BCL2L12: variants seen among roughly 807,000 people sequenced by gnomAD.
BCL2L12 encodes the protein bcl-2-like protein 12.
In BCL2L12, 27 loss-of-function variants were observed where a neutral mutation model predicts 25.7. The observed-to-expected ratio is 1.05, with a 90% CI of 0.78 to 1.45. The LOEUF (loss-of-function observed/expected upper bound fraction) is 1.45. Among genes scored for constraint, BCL2L12 ranks in the 40% most tolerant of loss-of-function variants. BCL2L12 has a pLI of 0.00. For synonymous variants in BCL2L12, 132 were observed against 145.6 expected (o/e 0.91, Z 0.67); for missense variants, 302 against 329.8 (o/e 0.92, Z 0.65).
In BCL2L12 at chr19:49,669,046, A is replaced by C; in HGVS notation, c.360A>C (p.Thr120=). The C allele has an allele frequency of 6.2e-7, 1 of 1,614,140 alleles. No homozygotes were observed. The highest frequency in any genetic ancestry group is 8.5e-7 in the Non-Finnish European group (1 of 1,180,018). Residue 120 remains threonine, a synonymous_variant, in exon 5 of 7, where the codon ACA becomes ACC. Coordinates refer to ENST00000246784, the MANE Select transcript of BCL2L12 (RefSeq NM_138639.2). ...PSPELQGPPS[T]EKEAILRRLV... ...CAGAATTACAGGGTCCCCCATCGAC[A>C]GAGAAGGAAGCCATACTGCGGAGGC...
chr19:49,673,530 C>G (rs1033520055), intron 6 of BCL2L12, among the ~76,000 whole-genome samples, 168 bp from the exon 7 acceptor site: 1 of 152,268 alleles, frequency 6.6e-6, no homozygotes, highest in East Asian at 1.9e-4. Flanking sequence ...GCCCCCTCAT[C>G]CCTGTGCCCT....
At chr19:49,670,170 C>A (rs757641337) in intron 5 of BCL2L12, 46 bp from the exon 6 acceptor site, 3 of 1,576,462 alleles carry the variant, frequency 1.9e-6, no homozygotes, top group Admixed American at 1.8e-5. Flanking sequence ...TATTGGCTGG[C>A]CCCGGGGGCG....
Position 49,670,374 on chromosome 19 carries a change from G to T in BCL2L12, c.588G>T (p.Leu196=), listed in dbSNP as rs1311179721. 1 of 1,580,278 alleles carries T rather than the reference G, an allele frequency of 6.3e-7. No individual in the cohort carries two copies. Among genetic ancestry groups the T allele is most frequent in the South Asian group, 1.1e-5 (1 of 87,458 alleles). The change falls in exon 6 of 7, where the codon CTG becomes CTT. Residue 196 remains leucine (L), a synonymous_variant. Transcript: ENST00000246784. The stretch of plus-strand genomic sequence containing the variant: ...CTTCCCCGGAGCCCCTGGCCCGCCT[G>T]GCCCTAGCCATGGAGCTGAGCCGGC... ...PPPSPEPLAR[L]ALAMELSRRV...
intron 3 of BCL2L12, 31 bp downstream of exon 3, chr19:49,667,192 C>T (rs776097399): frequency 2.4e-5 from 39 of 1,603,674 alleles, no homozygotes; most frequent in Non-Finnish European, 3.3e-5. Flanking sequence ...TCTATGAAGC[C>T]GGCAGAACAC....
Position 49,665,994 on chromosome 19 carries a change from A to G in BCL2L12, c.-82A>G, listed in dbSNP as rs370560242. The G allele has an allele frequency of 6.9e-6, 11 of 1,605,776 alleles. No homozygotes were observed. Among genetic ancestry groups the G allele is most frequent in the Non-Finnish European group, 9.4e-6 (11 of 1,175,664 alleles). ...TGCGCAGGCGCGGGAAAGTTGAACTAATAAAGTTTGTACGAGTTCAGTGGA... is the reference window on the plus strand; with the variant it reads ...TGCGCAGGCGCGGGAAAGTTGAACTGATAAAGTTTGTACGAGTTCAGTGGA... On this transcript the variant is annotated 5_prime_UTR_variant, in exon 1 of 7. Coordinates refer to ENST00000246784, the MANE Select transcript of BCL2L12 (RefSeq NM_138639.2).
At chr19:49,665,606 G>A (rs1197584796), upstream of BCL2L12, 3 of 572,430 alleles carry the variant, frequency 5.2e-6, no homozygotes, top group Admixed American at 6.2e-5. Context: ...CGCCACCAAC[G>A]CTCTCCCGGG....
intron 6 of BCL2L12, among the ~76,000 whole-genome samples, chr19:49,671,494 G>A (rs974580320): frequency 6.6e-6 from 1 of 151,996 alleles, no homozygotes; most frequent in African/African-American, 2.4e-5. Context: ...AATTAGCAAA[G>A]CATGGTAGCT....
rs1159997392 is a variant in BCL2L12 at position 49,673,839 on chromosome 19, T to TG, written c.*95dup. On this transcript the variant is annotated 3_prime_UTR_variant, in exon 7 of 7. Transcript: ENST00000246784. ...AGTCTTCCTATTCCACTCAGGGCTG[T>TG]GGGGTGGTGGTTGCCCTACCTGTTT... 6.8e-7 allele frequency: 1 copy of TG among 1,472,376 alleles called. No homozygotes were observed. Among genetic ancestry groups the TG allele is most frequent in the Non-Finnish European group, 9.4e-7 (1 of 1,066,288 alleles). The allele number at this position is 1,472,376 out of a possible 1,614,324, so 91.2% of individuals were successfully genotyped here.
chr19:49,673,023 T>C (rs2081992134), intron 6 of BCL2L12, among the ~76,000 whole-genome samples: 1 of 152,162 alleles, frequency 6.6e-6, no homozygotes, highest in African/African-American at 2.4e-5. Flanking sequence ...CACACCACCA[T>C]GTCCGGCTAA....
intron 6 of BCL2L12, among the ~76,000 whole-genome samples, chr19:49,671,326 G>A (rs965004417): frequency 2.0e-5 from 3 of 151,378 alleles, no homozygotes; most frequent in African/African-American, 4.9e-5. Context: ...CGGCATGCCT[G>A]TAATCCCAGC....
In BCL2L12 at chr19:49,666,991, G is replaced by T. The variant is rs748363216; in HGVS notation, c.108-28G>T. On this transcript the variant is annotated intron_variant, in intron 2 of 6. Coordinates refer to ENST00000246784, the MANE Select transcript of BCL2L12 (RefSeq NM_138639.2). Reference sequence around the variant, plus strand: ...ACTGCTTGCAGGGGATCTCTGGTGGGGTCAGTCTCTGAAGTCCTCCTCTCC... The same window carrying T: ...ACTGCTTGCAGGGGATCTCTGGTGGTGTCAGTCTCTGAAGTCCTCCTCTCC... 7 of 1,609,312 alleles carry T rather than the reference G, an allele frequency of 4.3e-6. No individual in the cohort carries two copies. In the East Asian group the frequency reaches 1.6e-4, roughly 36 times the overall value.
At position 49,668,663 on chromosome 19, in the gene BCL2L12, G is replaced by A. The variant is rs573020807; in HGVS notation, c.251-188G>A. Among the ~76,000 whole-genome samples, 9 of 152,222 alleles carry A rather than the reference G, an allele frequency of 5.9e-5. No individual in the cohort carries two copies. In the South Asian group the frequency reaches 1.2e-3, roughly 21 times the overall value. On this transcript the variant is annotated intron_variant, in intron 3 of 6. Coordinates refer to ENST00000246784, the MANE Select transcript of BCL2L12 (RefSeq NM_138639.2). Reference sequence around the variant, plus strand: ...AAATTAGCCAGGTATGGCGGCGTGCGCCTGTAGTCCCAGCTACTCATGAGG... The same window carrying A: ...AAATTAGCCAGGTATGGCGGCGTGCACCTGTAGTCCCAGCTACTCATGAGG...
intron 3 of BCL2L12, among the ~76,000 whole-genome samples, chr19:49,668,262 A>AT (rs1475599347): frequency 4.6e-5 from 7 of 150,806 alleles, no homozygotes; most frequent in Non-Finnish European, 8.9e-5. Context: ...TGCCCGGCTA[A>AT]TTTTTTTTGT....
chr19:49,667,099 C>T lies in BCL2L12; in HGVS notation c.188C>T (p.Ala63Val). The change falls in exon 3 of 7, where the codon GCC becomes GTC. Residue 63 changes from alanine to valine, a missense_variant. By Grantham distance (64) the Ala-to-Val change is moderately conservative (BLOSUM62 0). Transcript: ENST00000246784. ...CCCTGCTCCCTGGGGCGAGGAGCAG[C>T]CCCCTCTGAGTCCCCTCGGCCTTGC... ...CLPCSLGRGA[A>V]PSESPRPCSL... 1 of 1,614,056 alleles carries T rather than the reference C, an allele frequency of 6.2e-7. No homozygotes were observed. The highest frequency in any genetic ancestry group is 2.2e-5 in the East Asian group (1 of 44,882).
rs2081888322 is a variant in BCL2L12, at chr19:49,668,894, G to A, written c.294G>A (p.Leu98=). Residue 98 remains leucine (L), a synonymous_variant, in exon 4 of 7, where the codon CTG becomes CTA. Coordinates refer to ENST00000246784, the MANE Select transcript of BCL2L12 (RefSeq NM_138639.2). ...PDFYALVAQR[L]EQLVQEQLKS... Reference sequence around the variant, plus strand: ...TCTATGCTTTGGTGGCCCAGCGGCTGGAACAGCTGGTCCAAGAGCAGCTGA... The same window carrying A: ...TCTATGCTTTGGTGGCCCAGCGGCTAGAACAGCTGGTCCAAGAGCAGCTGA... The A allele has an allele frequency of 6.2e-7, 1 of 1,613,516 alleles. No individual in the cohort carries two copies. The highest frequency in any genetic ancestry group is 8.5e-7 in the Non-Finnish European group (1 of 1,179,942).
intron 6 of BCL2L12, 35 bp from the exon 7 acceptor site, chr19:49,673,663 C>A (rs757204895): frequency 5.7e-6 from 9 of 1,569,362 alleles, no homozygotes; most frequent in Middle Eastern, 1.7e-4. Flanking sequence ...GAACACCTGC[C>A]CTGCTCACAG....
chr19:49,665,713 C>T (rs565130412), upstream of BCL2L12: 14 of 1,409,022 alleles, frequency 9.9e-6, no homozygotes, highest in African/African-American at 7.2e-5. Context: ...CTCGAGGCTG[C>T]GCACCCCCTT....
At chr19:49,665,241 A>G (rs997698414), upstream of BCL2L12, 18 of 194,130 alleles carry the variant, frequency 9.3e-5, no homozygotes, top group East Asian at 4.2e-4. Flanking sequence ...ACTTACCCCA[A>G]TGTAGACCCC....
At position 49,669,122 on chromosome 19, in the gene BCL2L12, G is replaced by A; in HGVS notation, c.429+7G>A. On this transcript the variant is annotated splice_region_variant and intron_variant, in intron 5 of 6. Transcript: ENST00000246784. ...AGAAGTCATTAACCAGAAGGTGATG[G>A]GCATCTGTCCCACTCCTTGGCAAGG... 1 of 1,613,512 alleles carries A rather than the reference G, an allele frequency of 6.2e-7. No individual in the cohort carries two copies. The highest frequency in any genetic ancestry group is 8.5e-7 in the Non-Finnish European group (1 of 1,179,776).
Sources: gnomAD v4.1 joint callset for allele counts (sites outside exome capture counted in the v4.1 genomes callset) on GRCh38, gnomAD v4.1.1 for gene constraint, MANE v1.5 for transcripts, NCBI Gene and HGNC (gene_info 2026-07-23, HGNC 2026-07-21) for gene names.